The following OR14I1 variants were observed in gnomAD, a reference collection of about 807,000 sequenced individuals.
The protein encoded by OR14I1 is olfactory receptor family 14 subfamily I member 1, also known as olfactory receptor 14I1.
For synonymous variants in OR14I1, 118 were observed against 71.1 expected (o/e 1.66, Z -3.32); for missense variants, 279 against 181.8 (o/e 1.53, Z -3.07).
At chr1:248,697,675 C>T in the OR14I1 span, among the ~76,000 whole-genome samples, 26,096 of 151,784 alleles carry the variant, frequency 0.17, 2,693 homozygotes, top group African/African-American at 0.29. Flanking sequence ...CCCAGCTACT[C>T]GGGAGACTGA....
At chr1:248,686,191 G>T (rs1003966929), upstream of OR14I1, among the ~76,000 whole-genome samples, 1 of 152,174 alleles carries the variant, frequency 6.6e-6, no homozygotes, top group African/African-American at 2.4e-5. Flanking sequence ...CATGTGGTAT[G>T]ATGAGTAATA....
the OR14I1 span, among the ~76,000 whole-genome samples, chr1:248,695,990 A>G: frequency 1.3e-5 from 2 of 152,034 alleles, no homozygotes; most frequent in Non-Finnish European, 2.9e-5. Context: ...CTCCCCTTCA[A>G]CTGTGAAGGC....
exon 1 of OR14I1, chr1:248,682,195 A>G: frequency 1.3e-6 from 1 of 781,094 alleles, no homozygotes. Flanking sequence ...GTTCCCCACC[A>G]GCACTGCCAG....
chr1:248,697,925 T>C, the OR14I1 span, among the ~76,000 whole-genome samples: 5 of 152,228 alleles, frequency 3.3e-5, no homozygotes, highest in Non-Finnish European at 4.4e-5. Flanking sequence ...AAATTATATT[T>C]TACTATGCTT....
At chr1:248,692,326 A>G in the OR14I1 span, 2 of 152,170 alleles carry the variant, frequency 1.3e-5, no homozygotes, top group Non-Finnish European at 2.9e-5. Flanking sequence ...GCATTCCTGT[A>G]CTCTCCACTC....
chr1:248,683,630 G>A (rs911492514), upstream of OR14I1, among the ~76,000 whole-genome samples: 1 of 152,186 alleles, frequency 6.6e-6, no homozygotes, highest in African/African-American at 2.4e-5. Flanking sequence ...AGGACAGGTA[G>A]AACCTATGTT....
chr1:248,692,497 A>G, the OR14I1 span: 1 of 151,940 alleles, frequency 6.6e-6, no homozygotes, highest in East Asian at 1.9e-4. Flanking sequence ...TGCTTTCTCT[A>G]CCCCAGTCCA....
upstream of OR14I1, among the ~76,000 whole-genome samples, chr1:248,684,876 GAACAGTAA>G (rs1220583205): frequency 1.4e-5 from 2 of 146,882 alleles, no homozygotes; most frequent in Non-Finnish European, 3.0e-5. Context: ...TGAAAACATT[GAACAGTAA>G]TTATATCTGT....
the OR14I1 span, among the ~76,000 whole-genome samples, chr1:248,701,658 A>G: frequency 6.6e-6 from 1 of 152,202 alleles, no homozygotes; most frequent in Admixed American, 6.5e-5. Context: ...GGATGAATTT[A>G]GTTTTGAAAT....
chr1:248,690,063 G>C, the OR14I1 span, among the ~76,000 whole-genome samples: 2 of 152,168 alleles, frequency 1.3e-5, no homozygotes, highest in Non-Finnish European at 2.9e-5. Context: ...GAATTTCCGG[G>C]ACACAGCTAA....
chr1:248,702,134 A>G, the OR14I1 span, among the ~76,000 whole-genome samples: 12,303 of 152,170 alleles, frequency 0.081, 1,632 homozygotes, highest in African/African-American at 0.28. Flanking sequence ...TGGTCACCTC[A>G]CACCAGGCCC....
chr1:248,678,294 G>T (rs527791729), downstream of OR14I1, among the ~76,000 whole-genome samples: 8 of 152,166 alleles, frequency 5.3e-5, no homozygotes, highest in Non-Finnish European at 1.5e-5. Context: ...TGTCTTTGAG[G>T]ACATTCCATT....
At chr1:248,697,836 T>C in the OR14I1 span, among the ~76,000 whole-genome samples, 10 of 149,510 alleles carry the variant, frequency 6.7e-5, no homozygotes, top group East Asian at 1.7e-3. Context: ...TTTTCCTCTG[T>C]TGTTGTTGTT....
the OR14I1 span, among the ~76,000 whole-genome samples, chr1:248,695,180 A>C: frequency 1.9e-4 from 29 of 149,636 alleles, no homozygotes; most frequent in African/African-American, 6.4e-4. Context: ...AATTTTCAAA[A>C]TTACTTTTTA....
At chr1:248,681,050 T>C (rs1246861302), downstream of OR14I1, among the ~76,000 whole-genome samples, 4 of 151,320 alleles carry the variant, frequency 2.6e-5, no homozygotes, top group African/African-American at 9.7e-5. Context: ...AGGCTACAGG[T>C]TCAAGATGAG....
At chr1:248,685,370 T>TTTATTACTTGTTTAATA (rs1450563783), upstream of OR14I1, among the ~76,000 whole-genome samples, 5 of 152,188 alleles carry the variant, frequency 3.3e-5, no homozygotes, top group Non-Finnish European at 5.9e-5. Flanking sequence ...AAATGGTTGT[T>TTTATTACTTGTTTAATA]AATTGGTTTG....
At chr1:248,684,763 T>C (rs1018477092), upstream of OR14I1, among the ~76,000 whole-genome samples, 1 of 145,292 alleles carries the variant, frequency 6.9e-6, no homozygotes, top group African/African-American at 2.5e-5. Flanking sequence ...CATACATATA[T>C]ATATATATAT....
the OR14I1 span, among the ~76,000 whole-genome samples, chr1:248,699,610 G>A: frequency 1.6e-4 from 25 of 152,160 alleles, no homozygotes; most frequent in African/African-American, 5.6e-4. Flanking sequence ...TGAGAGGGAT[G>A]GAAAGTGCTG....
the OR14I1 span, among the ~76,000 whole-genome samples, chr1:248,691,246 G>T: frequency 1.1e-4 from 17 of 152,274 alleles, no homozygotes; most frequent in Admixed American, 2.0e-4. Context: ...CACTAACAAT[G>T]CATTTATGTC....
Sources: gnomAD v4.1 joint callset for allele counts (sites outside exome capture counted in the v4.1 genomes callset) on GRCh38, gnomAD v4.1.1 for gene constraint, MANE v1.5 for transcripts, NCBI Gene and HGNC (gene_info 2026-07-23, HGNC 2026-07-21) for gene names.